PCLO: variants seen among roughly 807,000 people sequenced by gnomAD.
PCLO encodes the protein protein piccolo.
PCLO carries 82 observed loss-of-function variants against 427.5 expected under a neutral mutation model. The ratio of observed to expected loss-of-function variants is 0.19; its 90% confidence interval spans 0.16 to 0.23. PCLO has a LOEUF of 0.23. Among genes scored for constraint, PCLO ranks in the 10% least tolerant of loss-of-function variants. The probability of loss-of-function intolerance (pLI) is 1.00; values close to 1 mark genes in which losing one functional copy is unlikely to be tolerated. For missense variants in PCLO, 6,239 were observed against 6,115.9 expected, an observed-to-expected ratio of 1.02 and a Z score of -0.67; for synonymous variants, 2,357 against 2,155.4, an observed-to-expected ratio of 1.09 and a Z score of -2.59.
rs75551727 is a variant in PCLO, at chr7:82,950,945, C to G, written c.9643G>C (p.Asp3215His). 52 of 1,613,498 alleles carry G rather than the reference C, an allele frequency of 3.2e-5. No individual in the cohort carries two copies. The highest frequency in any genetic ancestry group is 4.4e-5 in the Non-Finnish European group (52 of 1,179,862). The change falls in exon 6 of 25, where the codon GAC (aspartate) becomes CAC (histidine). Residue 3215 changes from aspartate (D) to histidine (H), a missense_variant. This residue lies in a region of PCLO where 4,677 missense variants were observed against 4,468.4 expected (regional missense o/e 1.05). Transcript: ENST00000333891. ...AGTTCCAGGAGCTCACGCTCCAAGT[C>G]TAGCTGCTGCTGTTGTTTATCTTCT... ...PEEDKQQQQL[D>H]LERELLELEK...
rs1167513650 is a variant in PCLO, at chr7:82,965,906, C to T, written c.3882G>A (p.Lys1294=). ...GTGTGCCAGATGGTAAACCTTCCAT[C>T]TTGGTCTGTGGTTGTTTCCCTTCTT... is the stretch of plus-strand genomic sequence containing the variant. ...TVQEGKQPQT[K]MEGLPSGTPQ... Residue 1294 remains lysine (K), a synonymous_variant, in exon 4 of 25, where the codon AAG becomes AAA. Transcript: ENST00000333891. The T allele has an allele frequency of 6.2e-7, 1 of 1,613,912 alleles. No individual in the cohort carries two copies. The highest frequency in any genetic ancestry group is 8.5e-7 in the Non-Finnish European group (1 of 1,179,844).
chr7:82,892,788 G>C (rs974505365), intron 9 of PCLO, among the ~76,000 whole-genome samples: 24 of 152,206 alleles, frequency 1.6e-4, no homozygotes, highest in African/African-American at 3.9e-4. Flanking sequence ...CTTCTCAAAA[G>C]AAGACATTTA....
rs1277479794 is a variant in PCLO at position 83,135,086 on chromosome 7, G to A, written c.2464C>T (p.Pro822Ser). The A allele has an allele frequency of 3.7e-6, 6 of 1,613,962 alleles. No homozygotes were observed. Among genetic ancestry groups the A allele is most frequent in the Non-Finnish European group, 4.2e-6 (5 of 1,179,878 alleles). Residue 822 changes from proline to serine, a missense_variant, in exon 3 of 25, where the codon CCT (proline) becomes TCT (serine). Physicochemically the swap from Pro to Ser is moderately conservative, Grantham distance 74. Transcript: ENST00000333891. ...KVSPFDSKAI[P>S]RPASDSKIIS... Reference sequence around the variant, plus strand: ...ATTTTTGAATCTGATGCAGGTCGAGGTATGGCTTTAGAATCAAATGGGCTG... The same window carrying A: ...ATTTTTGAATCTGATGCAGGTCGAGATATGGCTTTAGAATCAAATGGGCTG...
chr7:83,056,423 T>C (rs1254834943), intron 3 of PCLO, among the ~76,000 whole-genome samples: 1 of 152,180 alleles, frequency 6.6e-6, no homozygotes, highest in East Asian at 1.9e-4. Context: ...TGTGTTTTTA[T>C]ATATAATTGC....
intron 9 of PCLO, among the ~76,000 whole-genome samples, chr7:82,888,514 T>C (rs2116101221): frequency 6.6e-6 from 1 of 152,278 alleles, no homozygotes; most frequent in South Asian, 2.1e-4. Context: ...GCAAAGGTGA[T>C]CCAACCTATT....
rs553487683 is a variant in PCLO at position 82,791,228 on chromosome 7, A to T, written c.15007+10290T>A. Among the ~76,000 whole-genome samples, 294 of 150,028 alleles carry T rather than the reference A, an allele frequency of 2.0e-3. 1 individual carries two copies. The highest frequency in any genetic ancestry group is 5.2e-3 in the African/African-American group (211 of 40,602). ...TTAAGGGGTTTGTGTAGATTTTTTT[A>T]AAAAAGATGAATCATCAATTAGAAT... On this transcript the variant is annotated intron_variant, in intron 22 of 24. Coordinates refer to ENST00000333891, the MANE Select transcript of PCLO (RefSeq NM_033026.6).
At chr7:82,889,461 C>G (rs1793707168) in intron 9 of PCLO, among the ~76,000 whole-genome samples, 1 of 152,080 alleles carries the variant, frequency 6.6e-6, no homozygotes, top group Non-Finnish European at 1.5e-5. Context: ...ATATCTTTCC[C>G]TGAAAATTAT....
intron 9 of PCLO, among the ~76,000 whole-genome samples, chr7:82,892,065 G>A (rs907899821): frequency 3.3e-5 from 5 of 151,912 alleles, no homozygotes; most frequent in African/African-American, 7.3e-5. Flanking sequence ...TCACATAATC[G>A]GAAAAAACTA....
intron 3 of PCLO, among the ~76,000 whole-genome samples, chr7:83,041,733 C>T (rs1014461379): frequency 3.9e-5 from 6 of 152,090 alleles, no homozygotes; most frequent in African/African-American, 1.4e-4. Context: ...TTCTAATATT[C>T]AAGAATGTTA....
rs757121556 is a variant in PCLO at position 82,956,675 on chromosome 7, T to G, written c.4278A>C (p.Thr1426=). 4 of 1,613,762 alleles carry G rather than the reference T, an allele frequency of 2.5e-6. No homozygotes were observed. In the African/African-American group the frequency reaches 4.0e-5, roughly 16 times the overall value. ...TCTTTTCTGACTTTTCATCAGCAAG[T>G]GTACTTGCTTGAGCTTCCAAAATAG... The part of the protein sequence containing the change: ...VLSILEAQAS[T]LADEKSEKKT... Residue 1426 remains threonine, a synonymous_variant, in exon 5 of 25, where the codon ACA becomes ACC. Transcript: ENST00000333891.
At chr7:82,834,324 T>A (rs2115732675) in intron 16 of PCLO, among the ~76,000 whole-genome samples, 1 of 152,300 alleles carries the variant, frequency 6.6e-6, no homozygotes, top group Non-Finnish European at 1.5e-5. Context: ...ACCTGGATTG[T>A]GTTCTGTGAT....
In PCLO at chr7:82,956,100, C is replaced by T. The variant is rs1432663029; in HGVS notation, c.4853G>A (p.Ser1618Asn). ...ACGTCTTCCTGCATCTTCATCAATG[C>T]TTGTGCTACTTTTTCGAGTCAGTCG... is the stretch of plus-strand genomic sequence containing the variant. ...HRRLTRKSST[S>N]IDEDAGRRHS... Residue 1618 changes from serine (S) to asparagine (N), a missense_variant, in exon 5 of 25, where the codon AGC becomes AAC. Physicochemically the swap from Ser to Asn is conservative, Grantham distance 46. Coordinates refer to ENST00000333891, the MANE Select transcript of PCLO (RefSeq NM_033026.6). The T allele has an allele frequency of 1.2e-6, 2 of 1,610,846 alleles. No individual in the cohort carries two copies. Among genetic ancestry groups the T allele is most frequent in the Non-Finnish European group, 1.7e-6 (2 of 1,179,848 alleles).
chr7:83,011,396 T>C (rs1346029773), intron 3 of PCLO, among the ~76,000 whole-genome samples: 1 of 152,120 alleles, frequency 6.6e-6, no homozygotes, highest in African/African-American at 2.4e-5. Flanking sequence ...AATCTGATAC[T>C]TGTTGCATAT....
At position 82,905,825 on chromosome 7, in the gene PCLO, A is replaced by G. The variant is rs935886082; in HGVS notation, c.13437+3052T>C. Among the ~76,000 whole-genome samples the G allele has an allele frequency of 1.1e-4, 17 of 152,038 alleles. 1 individual carries two copies. Among genetic ancestry groups the G allele is most frequent in the African/African-American group, 4.1e-4 (17 of 41,416 alleles). Reference sequence around the variant, plus strand: ...TGCAGATGATGTGAGCGTTAAGTGCAGAAAGTGAAGGGATTTTATAATAGT... The same window carrying G: ...TGCAGATGATGTGAGCGTTAAGTGCGGAAAGTGAAGGGATTTTATAATAGT... On this transcript the variant is annotated intron_variant, in intron 8 of 24. Transcript: ENST00000333891.
chr7:83,097,186 A>G (rs189885310), intron 3 of PCLO, among the ~76,000 whole-genome samples: 2,282 of 72,370 alleles, frequency 0.032, 413 homozygotes, highest in East Asian at 0.27. Context: ...TATATATTAT[A>G]TATTATATTA....
At chr7:83,063,202 G>A (rs1789581906) in intron 3 of PCLO, among the ~76,000 whole-genome samples, 1 of 152,024 alleles carries the variant, frequency 6.6e-6, no homozygotes, top group Non-Finnish European at 1.5e-5. Flanking sequence ...GTTAGATCCA[G>A]GTATCTGATG....
chr7:83,030,136 A>G (rs948132963), intron 3 of PCLO, among the ~76,000 whole-genome samples: 1 of 91,444 alleles, frequency 1.1e-5, no homozygotes, highest in African/African-American at 3.0e-5. Context: ...AAAAAAAAAG[A>G]AAAGAAAAGA....
intron 10 of PCLO, 65 bp downstream of exon 10, chr7:82,879,272 T>G (rs1313095027): frequency 7.4e-7 from 1 of 1,355,132 alleles, no homozygotes; most frequent in African/African-American, 1.5e-5. Context: ...ATTTGCATAT[T>G]AAATTAAAAT....
intron 10 of PCLO, among the ~76,000 whole-genome samples, chr7:82,870,132 A>C (rs566335047): frequency 4.3e-4 from 65 of 152,172 alleles, no homozygotes; most frequent in South Asian, 1.7e-3. Context: ...TGAATAGACA[A>C]AGCAATCTTA....
Sources: gnomAD v4.1 joint callset for allele counts (sites outside exome capture counted in the v4.1 genomes callset) on GRCh38, gnomAD v4.1.1 for gene constraint, gnomAD v4.1.1 regional missense constraint, MANE v1.5 for transcripts, NCBI Gene and HGNC (gene_info 2026-07-23, HGNC 2026-07-21) for gene names.